HOXB3: variants seen among roughly 807,000 people sequenced by gnomAD.
HOXB3 encodes homeobox B3.
Under a neutral mutation model 29.2 loss-of-function variants are expected in HOXB3, and 17 were observed. The ratio of observed to expected loss-of-function variants is 0.58; its 90% CI spans 0.40 to 0.87. HOXB3 has a LOEUF of 0.87. Ranked by LOEUF, HOXB3 falls within the 40% of genes least tolerant of loss-of-function variation. The pLI, the probability that HOXB3 is intolerant of heterozygous loss-of-function variation, is 0.00. For missense variants in HOXB3, 637 were observed against 616.3 expected, an observed-to-expected ratio of 1.03 and a Z score of -0.35; for synonymous variants, 317 against 285.9, an observed-to-expected ratio of 1.11 and a Z score of -1.10.
rs140304755 is a variant in HOXB3, at chr17:48,567,140, G to T, written c.-247+6697C>A. Among the ~76,000 whole-genome samples, 28 of 152,254 alleles carry T rather than the reference G, an allele frequency of 1.8e-4. No individual in the cohort carries two copies. In the East Asian group the frequency reaches 3.7e-3, roughly 20 times the overall value. Reference sequence around the variant, plus strand: ...TTCTCCCCAAACCCTTTTCAACTGAGACTCCTGAATTGGGAGGCTTCACCC... The same window carrying T: ...TTCTCCCCAAACCCTTTTCAACTGATACTCCTGAATTGGGAGGCTTCACCC... On this transcript the variant is annotated intron_variant, in intron 2 of 4. Transcript: ENST00000498678.
chr17:48,550,781 G>A lies in HOXB3; in HGVS notation c.849C>T (p.Thr283=), dbSNP rs138225601. 3.7e-5 allele frequency: 60 copies of A among 1,608,750 alleles called. No homozygotes were observed. The African/African-American group carries it at 6.5e-4, about 18-fold the overall frequency. ...AGFMNALHSM[T]PSYESPSPPA... is the part of the protein sequence containing the mutation. Reference sequence around the variant, plus strand: ...GTGGGGACGGGCTCTCGTAGCTGGGGGTCATGGAGTGTAAGGCGTTCATGA... The same window carrying A: ...GTGGGGACGGGCTCTCGTAGCTGGGAGTCATGGAGTGTAAGGCGTTCATGA... Residue 283 remains threonine, a synonymous_variant, in exon 5 of 5, where the codon ACC becomes ACT. Coordinates refer to ENST00000498678, the MANE Select transcript of HOXB3 (RefSeq NM_001384749.1).
chr17:48,564,859 A>G (rs1209708687), intron 2 of HOXB3, among the ~76,000 whole-genome samples: 1 of 152,220 alleles, frequency 6.6e-6, no homozygotes, highest in Non-Finnish European at 1.5e-5. Context: ...GAAGGATCAG[A>G]CGGGCGAGAA....
chr17:48,561,183 AACACAC>A (rs530713063), intron 2 of HOXB3, among the ~76,000 whole-genome samples: 2,069 of 125,460 alleles, frequency 0.016, 35 homozygotes, highest in African/African-American at 0.038. Context: ...TCCGTCTCAA[AACACAC>A]ACACACACAC....
At chr17:48,568,052 C>T (rs546104358) in intron 2 of HOXB3, among the ~76,000 whole-genome samples, 1 of 152,334 alleles carries the variant, frequency 6.6e-6, no homozygotes, top group African/African-American at 2.4e-5. Flanking sequence ...CCATCCCTTT[C>T]CAATTGCACA....
intron 2 of HOXB3, among the ~76,000 whole-genome samples, chr17:48,572,139 A>C (rs533508452): frequency 3.9e-5 from 6 of 152,128 alleles, no homozygotes; most frequent in Non-Finnish European, 8.8e-5. Context: ...TCCTTCACCT[A>C]TTTCTTAAAA....
intron 1 of HOXB3, chr17:48,576,508 C>CT: frequency 2.8e-6 from 1 of 356,742 alleles, no homozygotes; most frequent in East Asian, 3.9e-5. Flanking sequence ...AATCTTGCTT[C>CT]TGGGGGGGCC....
chr17:48,565,135 C>A (rs1350761929), intron 2 of HOXB3, among the ~76,000 whole-genome samples: 2 of 152,094 alleles, frequency 1.3e-5, no homozygotes, highest in Admixed American at 6.5e-5. Context: ...GAAGAAAAGC[C>A]AAGAAAGGAT....
chr17:48,577,492 T>C (rs1225895514), intron 1 of HOXB3, among the ~76,000 whole-genome samples: 1 of 152,222 alleles, frequency 6.6e-6, no homozygotes, highest in Non-Finnish European at 1.5e-5. Context: ...AAATAAATAC[T>C]GGGAGTTGAC....
intron 1 of HOXB3, chr17:48,578,312 A>G: frequency 6.2e-7 from 1 of 1,608,498 alleles, no homozygotes; most frequent in Non-Finnish European, 8.5e-7. Flanking sequence ...AAAAGAACTC[A>G]TAGCCATTAA....
intron 1 of HOXB3, 65 bp from the exon 2 acceptor site, chr17:48,574,079 T>C (rs2069677339): frequency 1.8e-6 from 1 of 569,992 alleles, no homozygotes; most frequent in Non-Finnish European, 3.1e-6. Flanking sequence ...AATGGTTTTC[T>C]GTATAATTCT....
intron 1 of HOXB3, among the ~76,000 whole-genome samples, chr17:48,586,825 C>G (rs977331559): frequency 2.6e-5 from 4 of 152,112 alleles, no homozygotes; most frequent in Non-Finnish European, 5.9e-5. Flanking sequence ...CAAAATAAAA[C>G]AAACCAAATT....
intron 2 of HOXB3, chr17:48,556,560 A>G (rs2069001657): frequency 6.6e-6 from 1 of 151,308 alleles, no homozygotes; most frequent in African/African-American, 2.4e-5. Context: ...TAAAAAAAAA[A>G]AAAAAAAAAA....
intron 1 of HOXB3, chr17:48,578,202 C>T (rs1312143940): frequency 6.2e-7 from 1 of 1,613,486 alleles, no homozygotes; most frequent in African/African-American, 1.3e-5. Context: ...CTCTGGCCGC[C>T]GGCGTAGTAC....
intron 1 of HOXB3, chr17:48,574,556 A>T (rs115890438): frequency 2.6e-5 from 4 of 152,132 alleles, no homozygotes; most frequent in African/African-American, 9.7e-5. Flanking sequence ...GGACTGAAAA[A>T]ACGACTTTTA....
chr17:48,563,484 C>A (rs1277931195), intron 2 of HOXB3, among the ~76,000 whole-genome samples: 5 of 152,368 alleles, frequency 3.3e-5, no homozygotes, highest in African/African-American at 9.6e-5. Context: ...AACATACCTA[C>A]ACATGTGCCT....
intron 2 of HOXB3, among the ~76,000 whole-genome samples, chr17:48,565,086 A>G (rs1240411259): frequency 6.6e-6 from 1 of 152,174 alleles, no homozygotes; most frequent in Non-Finnish European, 1.5e-5. Context: ...CAACTTCCCC[A>G]GGTCCCTAGA....
Position 48,554,550 on chromosome 17 carries a change from G to A in HOXB3, c.-159+981C>T, listed in dbSNP as rs776460865. 1.1e-4 allele frequency: 74 copies of A among 693,200 alleles called. No homozygotes were observed. The highest frequency in any genetic ancestry group is 7.9e-4 in the South Asian group (53 of 66,860). The allele number at this position is 693,200 out of a possible 1,614,324, so 42.9% of individuals were successfully genotyped here. A position where few individuals can be genotyped will look rare whatever the true frequency, so the allele number is the denominator to read the frequency against. ...AGGGCTGGGAAGGTTTGTGCACCCG[G>A]GTAGTCCCTGGCTGCTGCTGCCAGG... On this transcript the variant is annotated intron_variant, in intron 3 of 4. Coordinates refer to ENST00000498678, the MANE Select transcript of HOXB3 (RefSeq NM_001384749.1). This position sits in a 1 kb window ranked among gnomAD's most constrained non-coding sequence, Gnocchi z 4.1.
rs554677201 is a variant in HOXB3 at position 48,551,072 on chromosome 17, C to T, written c.558G>A (p.Ala186=). 3.9e-6 allele frequency: 6 copies of T among 1,537,440 alleles called. No homozygotes were observed. The South Asian group carries it at 7.3e-5, about 19-fold the overall frequency. Residue 186 remains alanine, a synonymous_variant, in exon 5 of 5, where the codon GCG becomes GCA. Transcript: ENST00000498678. ...ACGCCGTCCGCGCCCGCTTGGACGC[C>T]GCCGACCCCGGGGGGCTCTTGTCCC... ...GGGDKSPPGS[A]ASKRARTAYT...
intron 2 of HOXB3, among the ~76,000 whole-genome samples, chr17:48,559,354 C>G (rs1295314378): frequency 6.6e-6 from 1 of 152,212 alleles, no homozygotes; most frequent in East Asian, 1.9e-4. Flanking sequence ...AGACTTGGGG[C>G]AGTCAAGGAT....
Sources: allele counts gnomAD v4.1 joint callset (sites outside exome capture counted in the v4.1 genomes callset), GRCh38; gene constraint gnomAD v4.1.1; non-coding constraint Gnocchi (gnomAD v3.1); transcripts MANE v1.5; gene names NCBI Gene and HGNC (gene_info 2026-07-23, HGNC 2026-07-21).